The following IL1RAPL1 variants were observed in gnomAD, a reference collection of about 807,000 sequenced individuals.
IL1RAPL1 encodes the protein interleukin 1 receptor accessory protein like 1.
A neutral mutation model predicts 48.4 loss-of-function variants in IL1RAPL1; 3 were observed. The observed-to-expected ratio is 0.06, with a 90% CI of 0.03 to 0.16. The LOEUF (loss-of-function observed/expected upper bound fraction) is 0.16. Among genes scored for constraint, IL1RAPL1 ranks in the 10% least tolerant of loss-of-function variants. The pLI, the probability that IL1RAPL1 is intolerant of heterozygous loss-of-function variation, is 1.00. For synonymous variants in IL1RAPL1, 185 were observed against 187.7 expected, an observed-to-expected ratio of 0.99 and a Z score of 0.12; for missense variants, 349 against 530.6, an observed-to-expected ratio of 0.66 and a Z score of 3.36.
chrX:29,628,233 G>A (rs1482552415), intron 5 of IL1RAPL1, among the ~76,000 whole-genome samples: 1 of 111,972 alleles, frequency 8.9e-6, no homozygotes, highest in Non-Finnish European at 1.9e-5. Flanking sequence ...ATATAGCCTC[G>A]AGCAAAGATC....
At chrX:28,884,604 G>A (rs1187963441) in intron 2 of IL1RAPL1, among the ~76,000 whole-genome samples, 1 of 111,641 alleles carries the variant, frequency 9.0e-6, no homozygotes, top group Non-Finnish European at 1.9e-5. Flanking sequence ...GAATCCCAGA[G>A]TATCTATATT....
At chrX:29,939,787 C>T (rs1405431090) in intron 8 of IL1RAPL1, among the ~76,000 whole-genome samples, 1 of 110,915 alleles carries the variant, frequency 9.0e-6, no homozygotes, top group Non-Finnish European at 1.9e-5. Flanking sequence ...CTTGATTAAA[C>T]AGCAGTTAAT....
At chrX:28,794,223 A>G (rs763704833) in intron 2 of IL1RAPL1, among the ~76,000 whole-genome samples, 1 of 111,453 alleles carries the variant, frequency 9.0e-6, no homozygotes, top group Admixed American at 9.5e-5. Context: ...ACCTTTACAA[A>G]TGGGGAGTGT....
chrX:29,189,746 T>C (rs886546857), intron 2 of IL1RAPL1, among the ~76,000 whole-genome samples: 6 of 111,738 alleles, frequency 5.4e-5, no homozygotes, highest in African/African-American at 1.9e-4. Context: ...TCAAAAGTTG[T>C]CTGGGATAAT....
chrX:29,896,269 C>A (rs1181690584), intron 6 of IL1RAPL1, among the ~76,000 whole-genome samples: 1 of 111,751 alleles, frequency 8.9e-6, no homozygotes, highest in Admixed American at 9.5e-5. Flanking sequence ...TTTATAAATA[C>A]CAAGTTAATG....
intron 2 of IL1RAPL1, among the ~76,000 whole-genome samples, chrX:28,814,424 A>G (rs997000920): frequency 9.3e-6 from 1 of 107,148 alleles, no homozygotes; most frequent in African/African-American, 3.4e-5. Flanking sequence ...CTGATTTCAC[A>G]AGTTTTGCTT....
intron 6 of IL1RAPL1, among the ~76,000 whole-genome samples, chrX:29,863,146 TACTG>T (rs1259828847): frequency 1.7e-4 from 19 of 111,131 alleles, no homozygotes; most frequent in Admixed American, 4.8e-4. Context: ...TCCTGTGAAA[TACTG>T]ACCTATTTTG....
At chrX:29,434,470 C>T (rs900754521) in intron 5 of IL1RAPL1, among the ~76,000 whole-genome samples, 10 of 110,752 alleles carry the variant, frequency 9.0e-5, no homozygotes, top group African/African-American at 3.3e-4. Context: ...AATATTTTAA[C>T]GTGCTGGTCA....
At chrX:29,619,204 T>C (rs745932069) in intron 5 of IL1RAPL1, among the ~76,000 whole-genome samples, 1 of 112,101 alleles carries the variant, frequency 8.9e-6, no homozygotes, top group East Asian at 2.8e-4. Flanking sequence ...TGAACTGATA[T>C]GCAACTAGAG....
chrX:29,641,272 C>G (rs1335325103), intron 5 of IL1RAPL1, among the ~76,000 whole-genome samples: 3 of 113,144 alleles, frequency 2.7e-5, no homozygotes, highest in African/African-American at 3.2e-5. Flanking sequence ...CATAAGCGAT[C>G]AGACTGTCTC....
At chrX:28,870,015 G>A (rs182474306) in intron 2 of IL1RAPL1, among the ~76,000 whole-genome samples, 46 of 111,465 alleles carry the variant, frequency 4.1e-4, no homozygotes, top group Admixed American at 6.7e-4. Context: ...AGATTCATCC[G>A]TGGTATAGCA....
chrX:29,542,143 C>T (rs1053167074), intron 5 of IL1RAPL1, among the ~76,000 whole-genome samples: 2 of 111,010 alleles, frequency 1.8e-5, no homozygotes, highest in African/African-American at 6.6e-5. Flanking sequence ...TAATTTATAG[C>T]CATCTAGATG....
chrX:28,989,812 T>G (rs772674765), intron 2 of IL1RAPL1, among the ~76,000 whole-genome samples: 1 of 111,965 alleles, frequency 8.9e-6, no homozygotes, highest in African/African-American at 3.2e-5. Flanking sequence ...AAGACAAACC[T>G]ATACTTGTAA....
At chrX:28,838,937 T>A (rs2147290793) in intron 2 of IL1RAPL1, among the ~76,000 whole-genome samples, 1 of 111,102 alleles carries the variant, frequency 9.0e-6, no homozygotes, top group South Asian at 3.7e-4. Context: ...TTTATAAAAA[T>A]TTCAAATGAT....
intron 5 of IL1RAPL1, among the ~76,000 whole-genome samples, chrX:29,653,825 A>C (rs1409326876): frequency 1.8e-5 from 2 of 110,949 alleles, no homozygotes; most frequent in Non-Finnish European, 3.8e-5. Context: ...AAACAGAGAA[A>C]AGTAATGATG....
At chrX:29,451,128 A>G (rs1265621914) in intron 5 of IL1RAPL1, among the ~76,000 whole-genome samples, 1 of 109,123 alleles carries the variant, frequency 9.2e-6, no homozygotes, top group African/African-American at 3.3e-5. Context: ...AAAAAAAAAA[A>G]GAATCTATGG....
rs1336109601 is a variant in IL1RAPL1, at chrX:29,424,468, G to A, written c.703+25160G>A. Among the ~76,000 whole-genome samples, 3 of 111,551 alleles carry A rather than the reference G, an allele frequency of 2.7e-5. No homozygotes were observed. The East Asian group carries it at 8.4e-4, about 31-fold the overall frequency. ...GTATGTTGCCTCAGGCTAAGGTGGTGCAAAGCTCAGGGATCTAGAGGAAGG... is the reference window on the plus strand; with the variant it reads ...GTATGTTGCCTCAGGCTAAGGTGGTACAAAGCTCAGGGATCTAGAGGAAGG... On this transcript the variant is annotated intron_variant, in intron 5 of 10. Coordinates refer to ENST00000378993, the MANE Select transcript of IL1RAPL1 (RefSeq NM_014271.4).
intron 2 of IL1RAPL1, among the ~76,000 whole-genome samples, chrX:28,993,440 C>A (rs1925658590): frequency 9.0e-6 from 1 of 111,306 alleles, no homozygotes; most frequent in Non-Finnish European, 1.9e-5. Flanking sequence ...GAGCTGTGAA[C>A]AAGTCGATCC....
chrX:29,046,527 A>T lies in IL1RAPL1; in HGVS notation c.83-236411A>T, dbSNP rs775156215. On this transcript the variant is annotated intron_variant, in intron 2 of 10. Coordinates refer to ENST00000378993, the MANE Select transcript of IL1RAPL1 (RefSeq NM_014271.4). Reference sequence around the variant, plus strand: ...AATCCAATGAATCACTCTATTTTCTAGGTGTCAAAACCAAGTCTTAAATAA... The same window carrying T: ...AATCCAATGAATCACTCTATTTTCTTGGTGTCAAAACCAAGTCTTAAATAA... Among the ~76,000 whole-genome samples, 303 of 112,161 alleles carry T rather than the reference A, an allele frequency of 2.7e-3. 1 individual carries two copies. The highest frequency in any genetic ancestry group is 9.3e-3 in the Middle Eastern group (2 of 216).
Sources: gnomAD v4.1 joint callset for allele counts (sites outside exome capture counted in the v4.1 genomes callset) on GRCh38, gnomAD v4.1.1 for gene constraint, MANE v1.5 for transcripts, NCBI Gene and HGNC (gene_info 2026-07-23, HGNC 2026-07-21) for gene names.